The following ASIC2 variants were observed in gnomAD, a reference collection of about 807,000 sequenced individuals.
ASIC2 encodes the protein acid sensing ion channel subunit 2, also known as acid-sensing ion channel 2.
Under a neutral mutation model 57.3 loss-of-function variants are expected in ASIC2, and 25 were observed. The ratio of observed to expected loss-of-function variants is 0.44; its 90% CI spans 0.32 to 0.61. The LOEUF (loss-of-function observed/expected upper bound fraction) is 0.61, where lower values mean the gene tolerates loss of function less well. Ranked by LOEUF, ASIC2 falls within the 20% of genes least tolerant of loss-of-function variation. The pLI is 0.06. For synonymous variants in ASIC2, 319 were observed against 307.5 expected, an observed-to-expected ratio of 1.04 and a Z score of -0.39; for missense variants, 641 against 738.1, an observed-to-expected ratio of 0.87 and a Z score of 1.52.
At chr17:33,352,656 T>C (rs1908230359) in intron 1 of ASIC2, among the ~76,000 whole-genome samples, 1 of 152,196 alleles carries the variant, frequency 6.6e-6, no homozygotes, top group South Asian at 2.1e-4. Flanking sequence ...GAAAATCCTG[T>C]GATGTTCTCC....
At position 33,687,695 on chromosome 17, in the gene ASIC2, A is replaced by G. The variant is rs191323647; in HGVS notation, c.555+468283T>C. Among the ~76,000 whole-genome samples, 3 of 152,324 alleles carry G rather than the reference A, an allele frequency of 2.0e-5. No homozygotes were observed. The East Asian group carries it at 5.8e-4, about 29-fold the overall frequency. Reference sequence around the variant, plus strand: ...GGGCCATCTCCTCTGCAGCCAGAGAATAAGAGAGGATAATTATTCATTGGA... The same window carrying G: ...GGGCCATCTCCTCTGCAGCCAGAGAGTAAGAGAGGATAATTATTCATTGGA... On this transcript the variant is annotated intron_variant, in intron 1 of 9. Coordinates refer to the ASIC2 transcript ENST00000359872.
chr17:33,318,808 C>G (rs1049526975), intron 1 of ASIC2, among the ~76,000 whole-genome samples: 36 of 152,056 alleles, frequency 2.4e-4, no homozygotes, highest in African/African-American at 8.7e-4. Flanking sequence ...AAAGAGGACA[C>G]AAGAAGGCCC....
intron 3 of ASIC2, among the ~76,000 whole-genome samples, chr17:33,077,455 G>T (rs986603598): frequency 2.0e-5 from 3 of 152,136 alleles, no homozygotes; most frequent in African/African-American, 7.2e-5. Context: ...ATTGGATGGA[G>T]CAAGACATGC....
chr17:33,834,638 C>T (rs1913217643), intron 1 of ASIC2: 1 of 152,188 alleles, frequency 6.6e-6, no homozygotes, highest in Admixed American at 6.5e-5. Context: ...CTTCCAAAAG[C>T]CCTTAACCTA....
At chr17:33,425,435 G>A (rs1911184925) in intron 1 of ASIC2, among the ~76,000 whole-genome samples, 1 of 152,162 alleles carries the variant, frequency 6.6e-6, no homozygotes, top group Non-Finnish European at 1.5e-5. Context: ...ATAATAGTTG[G>A]GGGAAAGTGA....
chr17:34,145,478 T>C (rs8082206), intron 1 of ASIC2, among the ~76,000 whole-genome samples: 2,386 of 152,296 alleles, frequency 0.016, 37 homozygotes, highest in East Asian at 0.06. Flanking sequence ...GATCCACATC[T>C]GCAGCATTGC....
chr17:33,519,372 C>A (rs541879326), intron 1 of ASIC2, among the ~76,000 whole-genome samples: 34 of 152,266 alleles, frequency 2.2e-4, no homozygotes, highest in Non-Finnish European at 3.7e-4. Flanking sequence ...CTGAGCACCC[C>A]CTTAAACACA....
intron 2 of ASIC2, among the ~76,000 whole-genome samples, chr17:33,102,358 A>G (rs531265960): frequency 4.6e-5 from 7 of 152,244 alleles, no homozygotes; most frequent in African/African-American, 1.7e-4. Context: ...CTCATTCCGG[A>G]TCCCAGGTAT....
intron 1 of ASIC2, among the ~76,000 whole-genome samples, chr17:33,598,545 G>A (rs1285557613): frequency 1.3e-5 from 2 of 152,188 alleles, no homozygotes; most frequent in Admixed American, 6.5e-5. Flanking sequence ...ATGTGAAAAT[G>A]TCAGGGCTGG....
Position 33,579,344 on chromosome 17 carries a change from G to C in ASIC2, c.556-467277C>G, listed in dbSNP as rs147320743. On this transcript the variant is annotated intron_variant, in intron 1 of 9. Transcript: ENST00000359872. ...TCAGATGTTGGCTCAGGGCACACTG[G>C]AACACGATGTGGCTTGGTATGTTTA... Among the ~76,000 whole-genome samples, 990 of 150,658 alleles carry C rather than the reference G, an allele frequency of 6.6e-3. 16 individuals are homozygous for C. Among genetic ancestry groups the C allele is most frequent in the African/African-American group, 0.015 (596 of 40,872 alleles).
chr17:33,842,456 C>G (rs1913467521), intron 1 of ASIC2, among the ~76,000 whole-genome samples: 1 of 152,172 alleles, frequency 6.6e-6, no homozygotes, highest in Non-Finnish European at 1.5e-5. Flanking sequence ...TTGGAATGTG[C>G]TGCACTGAGG....
intron 1 of ASIC2, among the ~76,000 whole-genome samples, chr17:33,398,010 T>C (rs1597713936): frequency 6.6e-6 from 1 of 152,140 alleles, no homozygotes; most frequent in East Asian, 1.9e-4. Context: ...TTTCACATGA[T>C]GGTGGGAGCA....
At chr17:33,537,426 TTA>T (rs1415179604) in intron 1 of ASIC2, among the ~76,000 whole-genome samples, 1 of 152,120 alleles carries the variant, frequency 6.6e-6, no homozygotes, top group Non-Finnish European at 1.5e-5. Context: ...CTTCCTGAAG[TTA>T]TGTTATGCAT....
chr17:33,550,242 G>C (rs1010109546), intron 1 of ASIC2, among the ~76,000 whole-genome samples: 1 of 152,136 alleles, frequency 6.6e-6, no homozygotes, highest in Non-Finnish European at 1.5e-5. Context: ...TGCAAATACC[G>C]GAACGATCTC....
chr17:34,073,914 G>A (rs1477572745), intron 1 of ASIC2, among the ~76,000 whole-genome samples: 1 of 152,188 alleles, frequency 6.6e-6, no homozygotes, highest in Non-Finnish European at 1.5e-5. Flanking sequence ...TCCCTGGGCT[G>A]AAGAACAGGC....
At chr17:34,113,224 G>A (rs1293116171) in intron 1 of ASIC2, among the ~76,000 whole-genome samples, 1 of 152,146 alleles carries the variant, frequency 6.6e-6, no homozygotes, top group Admixed American at 6.5e-5. Flanking sequence ...GAAGGAAGCT[G>A]GAGGAGTGGG....
At chr17:33,877,669 TC>T (rs1914586540) in intron 1 of ASIC2, among the ~76,000 whole-genome samples, 1 of 152,294 alleles carries the variant, frequency 6.6e-6, no homozygotes, top group South Asian at 2.1e-4. Context: ...CTCTGTAGAC[TC>T]CACCTCTGGG....
At chr17:33,597,962 C>T (rs1267732188) in intron 1 of ASIC2, among the ~76,000 whole-genome samples, 5 of 152,214 alleles carry the variant, frequency 3.3e-5, no homozygotes, top group Admixed American at 6.5e-5. Context: ...TATCCACAAC[C>T]TTTTCTTTCT....
chr17:33,417,209 G>A (rs1228475898), intron 1 of ASIC2, among the ~76,000 whole-genome samples: 1 of 152,132 alleles, frequency 6.6e-6, no homozygotes, highest in East Asian at 1.9e-4. Flanking sequence ...GGCAGGAAGG[G>A]ACATTTCTTA....
Sources: gnomAD v4.1 joint callset for allele counts (sites outside exome capture counted in the v4.1 genomes callset) on GRCh38, gnomAD v4.1.1 for gene constraint, MANE v1.5 for transcripts, NCBI Gene and HGNC (gene_info 2026-07-23, HGNC 2026-07-21) for gene names.